The following CCBE1 variants were observed in gnomAD, a reference collection of about 807,000 sequenced individuals.
CCBE1 encodes the protein collagen and calcium binding EGF domains 1, also known as collagen and calcium-binding EGF domain-containing protein 1.
CCBE1 carries 37 observed loss-of-function variants against 50.0 expected under a neutral mutation model. The observed-to-expected ratio is 0.74, with a 90% confidence interval of 0.57 to 0.97. The LOEUF (loss-of-function observed/expected upper bound fraction) is 0.97, where lower values mean the gene tolerates loss of function less well. CCBE1 is among the 50% of genes least tolerant of loss of function. The pLI, the probability that CCBE1 is intolerant of heterozygous loss-of-function variation, is 0.00. For missense variants in CCBE1, 538 were observed against 523.8 expected, an observed-to-expected ratio of 1.03 and a Z score of -0.26; for synonymous variants, 234 against 203.7, an observed-to-expected ratio of 1.15 and a Z score of -1.27.
At chr18:59,578,618 TA>T (rs2053037055) in intron 2 of CCBE1, among the ~76,000 whole-genome samples, 2 of 152,158 alleles carry the variant, frequency 1.3e-5, no homozygotes, top group Admixed American at 1.3e-4. Context: ...TATGCACCCA[TA>T]AAAAAGGATG....
At chr18:59,489,168 A>T (rs868407792) in intron 2 of CCBE1, among the ~76,000 whole-genome samples, 1 of 152,238 alleles carries the variant, frequency 6.6e-6, no homozygotes, top group African/African-American at 2.4e-5. Flanking sequence ...TTAAAGGCAT[A>T]TGATTGGTTC....
intron 2 of CCBE1, among the ~76,000 whole-genome samples, chr18:59,677,419 G>A (rs957232387): frequency 2.6e-5 from 4 of 152,182 alleles, no homozygotes; most frequent in Admixed American, 6.5e-5. Flanking sequence ...TGGACCTGTC[G>A]TCTTTGAAAT....
intron 2 of CCBE1, among the ~76,000 whole-genome samples, chr18:59,627,674 G>T (rs536747885): frequency 6.6e-5 from 10 of 152,180 alleles, no homozygotes; most frequent in African/African-American, 2.4e-4. Context: ...GTGAGCAGCT[G>T]TAAGTCAAGG....
chr18:59,527,604 G>T (rs1568188181), intron 2 of CCBE1, among the ~76,000 whole-genome samples: 1 of 152,176 alleles, frequency 6.6e-6, no homozygotes, highest in Non-Finnish European at 1.5e-5. Context: ...TTGTACTTCA[G>T]TGTGATTTTG....
chr18:59,602,755 G>C (rs1185990009), intron 2 of CCBE1, among the ~76,000 whole-genome samples: 1 of 152,208 alleles, frequency 6.6e-6, no homozygotes, highest in African/African-American at 2.4e-5. Context: ...ACCCCACAGA[G>C]AGAAGCAAGG....
intron 3 of CCBE1, among the ~76,000 whole-genome samples, chr18:59,478,564 A>G (rs1180932140): frequency 6.6e-6 from 1 of 152,212 alleles, no homozygotes; most frequent in Non-Finnish European, 1.5e-5. Flanking sequence ...GTTCTGGGTT[A>G]TGTTAATTAT....
intron 2 of CCBE1, among the ~76,000 whole-genome samples, chr18:59,575,876 T>C (rs74436763): frequency 6.6e-6 from 1 of 152,198 alleles, no homozygotes; most frequent in Non-Finnish European, 1.5e-5. Context: ...CTGGAATCGA[T>C]AAGTATACAG....
chr18:59,580,739 A>G (rs1398615661), intron 2 of CCBE1, among the ~76,000 whole-genome samples: 4 of 152,168 alleles, frequency 2.6e-5, no homozygotes, highest in Non-Finnish European at 2.9e-5. Context: ...CACTTCCAAC[A>G]TTTTACATTA....
chr18:59,682,769 C>T (rs1353595879), intron 2 of CCBE1, among the ~76,000 whole-genome samples: 2 of 152,242 alleles, frequency 1.3e-5, no homozygotes, highest in Non-Finnish European at 2.9e-5. Flanking sequence ...ACCCTTTGAT[C>T]GTCTTTACCC....
intron 2 of CCBE1, among the ~76,000 whole-genome samples, chr18:59,598,717 C>T (rs2053389682): frequency 1.3e-5 from 2 of 152,200 alleles, no homozygotes; most frequent in Non-Finnish European, 1.5e-5. Context: ...CCAGTCAGAG[C>T]TCTACATTCC....
At chr18:59,631,401 G>T (rs2053846626) in intron 2 of CCBE1, among the ~76,000 whole-genome samples, 1 of 152,114 alleles carries the variant, frequency 6.6e-6, no homozygotes, top group Non-Finnish European at 1.5e-5. Context: ...TTCTGAATTG[G>T]GTTTCTTTCA....
intron 2 of CCBE1, among the ~76,000 whole-genome samples, chr18:59,649,219 C>T (rs138551069): frequency 5.3e-5 from 8 of 152,206 alleles, no homozygotes; most frequent in African/African-American, 1.4e-4. Flanking sequence ...TGGAGATCTG[C>T]GCACTGCCCC....
rs764241710 is a variant in CCBE1 at position 59,451,779 on chromosome 18, G to A, written c.654+3072C>T. On this transcript the variant is annotated intron_variant, in intron 6 of 10. Coordinates refer to ENST00000439986, the MANE Select transcript of CCBE1 (RefSeq NM_133459.4). The stretch of plus-strand genomic sequence containing the variant: ...ACACATTTACCTGTGTAACAAACCC[G>A]CCCATCCTGCATATGTACCCCAGAA... Among the ~76,000 whole-genome samples the A allele has an allele frequency of 2.0e-5, 3 of 151,948 alleles. No individual in the cohort carries two copies. In the South Asian group the frequency reaches 6.3e-4, roughly 32 times the overall value.
chr18:59,510,348 C>T (rs1419405219), intron 2 of CCBE1, among the ~76,000 whole-genome samples: 1 of 152,080 alleles, frequency 6.6e-6, no homozygotes, highest in Non-Finnish European at 1.5e-5. Flanking sequence ...TATGGAAGCT[C>T]ATTAACTGAG....
At position 59,693,288 on chromosome 18, in the gene CCBE1, T is replaced by C. The variant is rs149466509; in HGVS notation, c.212+3341A>G. ...ATTAGCATTGCTTTCATGTAAATTA[T>C]GTAATGCAAAATTTTTTAAATCTTC... On this transcript the variant is annotated intron_variant, in intron 2 of 10. Transcript: ENST00000439986. Among the ~76,000 whole-genome samples, 975 of 152,278 alleles carry C rather than the reference T, an allele frequency of 6.4e-3. 11 individuals are homozygous for C. Among genetic ancestry groups the C allele is most frequent in the African/African-American group, 0.022 (932 of 41,556 alleles).
In CCBE1 at chr18:59,697,256, C is replaced by T; in HGVS notation, c.87G>A (p.Leu29=). 7.7e-6 allele frequency: 12 copies of T among 1,549,338 alleles called. No individual in the cohort carries two copies. Among genetic ancestry groups the T allele is most frequent in the Non-Finnish European group, 1.0e-5 (12 of 1,146,744 alleles). Residue 29 remains leucine (L), a synonymous_variant, in exon 1 of 11, where the codon TTG becomes TTA. Transcript: ENST00000439986. ...CCTCTCTGTAGGTCCACGTGTGTCC[C>T]AACGCCAGGAGCAGCAGCAGCGGAC... ...SLGPLLLLLA[L]GHTWTYREEP... is the part of the protein sequence containing the mutation.
At chr18:59,594,738 C>T (rs549165922) in intron 2 of CCBE1, among the ~76,000 whole-genome samples, 7 of 151,994 alleles carry the variant, frequency 4.6e-5, no homozygotes, top group Admixed American at 2.6e-4. Context: ...ATCTTTAACC[C>T]GAGTCTGCAC....
chr18:59,644,071 G>A (rs115210711), intron 2 of CCBE1, among the ~76,000 whole-genome samples: 4 of 152,144 alleles, frequency 2.6e-5, no homozygotes, highest in African/African-American at 9.7e-5. Flanking sequence ...TTCCATGAGG[G>A]TTTAAGGGAG....
intron 2 of CCBE1, among the ~76,000 whole-genome samples, chr18:59,482,494 A>G (rs1041509215): frequency 5.3e-5 from 8 of 152,242 alleles, no homozygotes; most frequent in Non-Finnish European, 8.8e-5. Context: ...ATACAGGCAC[A>G]CATAGGTTTA....
Sources: allele counts gnomAD v4.1 joint callset (sites outside exome capture counted in the v4.1 genomes callset), GRCh38; gene constraint gnomAD v4.1.1; transcripts MANE v1.5; gene names NCBI Gene and HGNC (gene_info 2026-07-23, HGNC 2026-07-21).